The following FRMPD1 variants were observed in gnomAD, a reference collection of about 807,000 sequenced individuals.
FRMPD1 encodes the protein FERM and PDZ domain containing 1, also known as FERM and PDZ domain-containing protein 1.
Under a neutral mutation model 117.8 loss-of-function variants are expected in FRMPD1, and 76 were observed. The observed-to-expected ratio is 0.65, with a 90% CI of 0.54 to 0.78. The LOEUF (loss-of-function observed/expected upper bound fraction) is 0.78, where lower values mean the gene tolerates loss of function less well. Among genes scored for constraint, FRMPD1 ranks in the 30% least tolerant of loss-of-function variants. The probability of loss-of-function intolerance (pLI) is 0.00; values close to 1 mark genes in which losing one functional copy is unlikely to be tolerated. For missense variants in FRMPD1, 1,786 were observed against 1,964.5 expected (o/e 0.91, Z 1.72); for synonymous variants, 783 against 770.4 (o/e 1.02, Z -0.27).
rs1465298933 is a variant in FRMPD1 at position 37,746,872 on chromosome 9, T to G, written c.*103T>G. The G allele has an allele frequency of 1.3e-6, 1 of 742,612 alleles. No individual in the cohort carries two copies. The highest frequency in any genetic ancestry group is 2.2e-6 in the Non-Finnish European group (1 of 446,822). 46.0% of individuals were successfully genotyped at this position (742,612 alleles called of 1,614,324 possible). A position where few individuals can be genotyped will look rare whatever the true frequency, so the allele number is the denominator to read the frequency against. On this transcript the variant is annotated 3_prime_UTR_variant, in exon 16 of 16. Coordinates refer to ENST00000377765, the MANE Select transcript of FRMPD1 (RefSeq NM_014907.3). ...CCACCCTCTTCAAATGTTTACTATATAGAGTATTCAAATAAACTGCTGCTT... is the reference window on the plus strand; with the variant it reads ...CCACCCTCTTCAAATGTTTACTATAGAGAGTATTCAAATAAACTGCTGCTT...
chr9:37,608,115 C>A, the FRMPD1 span, among the ~76,000 whole-genome samples: 1 of 152,234 alleles, frequency 6.6e-6, no homozygotes, highest in Non-Finnish European at 1.5e-5. Flanking sequence ...ACGAAGGCTA[C>A]GTGAACAGGC....
rs1302057392 is a variant in FRMPD1, at chr9:37,746,518, C to T, written c.4486C>T (p.His1496Tyr). 2 of 1,613,556 alleles carry T rather than the reference C, an allele frequency of 1.2e-6. No individual in the cohort carries two copies. Among genetic ancestry groups the T allele is most frequent in the African/African-American group, 1.3e-5 (1 of 74,934 alleles). The change falls in exon 16 of 16, where the codon CAC becomes TAC. Residue 1496 changes from histidine to tyrosine, a missense_variant. His to Tyr is a moderately conservative substitution (Grantham distance 83, BLOSUM62 2). Transcript: ENST00000377765. Reference sequence around the variant, plus strand: ...GGGGGCCGTGCGTGACACCTTCCAGCACCTGGTCCAGCTGGCCGGCCTGTG... The same window carrying T: ...GGGGGCCGTGCGTGACACCTTCCAGTACCTGGTCCAGCTGGCCGGCCTGTG... The part of the protein sequence containing the change: ...MQGAVRDTFQ[H>Y]LVQLAGLCFQ...
At chr9:37,620,604 GTTC>G in the FRMPD1 span, among the ~76,000 whole-genome samples, 9 of 152,022 alleles carry the variant, frequency 5.9e-5, no homozygotes, top group Non-Finnish European at 1.2e-4. Context: ...CATGTTTGAT[GTTC>G]CAGCTGTCTG....
chr9:37,687,388 A>G (rs1044770359), intron 1 of FRMPD1, among the ~76,000 whole-genome samples: 4 of 152,210 alleles, frequency 2.6e-5, no homozygotes, highest in Non-Finnish European at 5.9e-5. Flanking sequence ...GTGTGTTTTC[A>G]TATGACTTGC....
At chr9:37,739,458 C>T (rs1442911139) in intron 14 of FRMPD1, among the ~76,000 whole-genome samples, 1 of 152,128 alleles carries the variant, frequency 6.6e-6, no homozygotes, top group African/African-American at 2.4e-5. Flanking sequence ...GCTCCCCAGC[C>T]TCCTACCATT....
intron 5 of FRMPD1, among the ~76,000 whole-genome samples, chr9:37,716,441 C>CA (rs1823122134): frequency 1.3e-5 from 2 of 152,354 alleles, no homozygotes; most frequent in Admixed American, 1.3e-4. Context: ...CAGTTGACAG[C>CA]TGTAGTCATT....
chr9:37,609,023 G>A, the FRMPD1 span, among the ~76,000 whole-genome samples: 2 of 152,204 alleles, frequency 1.3e-5, no homozygotes, highest in Non-Finnish European at 1.5e-5. Flanking sequence ...GGGCATGGTG[G>A]CTCACGCCTG....
At chr9:37,672,342 C>T (rs76601587) in intron 1 of FRMPD1, among the ~76,000 whole-genome samples, 3,792 of 152,238 alleles carry the variant, frequency 0.025, 160 homozygotes, top group African/African-American at 0.085. Context: ...GGTCTGGAAC[C>T]TCCTGGGAAG....
chr9:37,691,278 A>G (rs1359941827), intron 1 of FRMPD1, among the ~76,000 whole-genome samples: 1 of 152,206 alleles, frequency 6.6e-6, no homozygotes, highest in Non-Finnish European at 1.5e-5. Flanking sequence ...ATAGTTGTCT[A>G]GGTAGGTATT....
intron 1 of FRMPD1, among the ~76,000 whole-genome samples, chr9:37,678,656 T>C (rs1925963): frequency 2.0e-5 from 3 of 152,314 alleles, no homozygotes; most frequent in South Asian, 4.1e-4. Flanking sequence ...ACAAGAGTAG[T>C]GATTTTTGTC....
At position 37,745,211 on chromosome 9, in the gene FRMPD1, G is replaced by A. The variant is rs779208692; in HGVS notation, c.3179G>A (p.Cys1060Tyr). ...VQLEMGLESFCTNHIQETAPK... is the reference protein window; with the variant it reads ...VQLEMGLESFYTNHIQETAPK... Reference sequence around the variant, plus strand: ...TTGGAAATGGGATTGGAATCTTTTTGTACAAATCATATACAAGAAACTGCC... The same window carrying A: ...TTGGAAATGGGATTGGAATCTTTTTATACAAATCATATACAAGAAACTGCC... Residue 1060 changes from cysteine (C) to tyrosine (Y), a missense_variant, in exon 16 of 16, where the codon TGT (cysteine) becomes TAT (tyrosine). Transcript: ENST00000377765. The A allele has an allele frequency of 6.8e-6, 11 of 1,613,694 alleles. No individual in the cohort carries two copies. The South Asian group carries it at 1.2e-4, about 18-fold the overall frequency.
the FRMPD1 span, among the ~76,000 whole-genome samples, chr9:37,632,908 T>C: frequency 1.3e-5 from 2 of 148,188 alleles, no homozygotes; most frequent in African/African-American, 4.9e-5. Flanking sequence ...TAAATTTCTG[T>C]ATATATATAA....
chr9:37,689,448 A>C (rs1044628638), intron 1 of FRMPD1, among the ~76,000 whole-genome samples: 2 of 152,084 alleles, frequency 1.3e-5, no homozygotes, highest in Non-Finnish European at 2.9e-5. Context: ...ACAGCCTCTC[A>C]GTGAAATTTT....
intron 2 of FRMPD1, among the ~76,000 whole-genome samples, chr9:37,703,118 G>C (rs1563939407): frequency 6.6e-6 from 1 of 152,050 alleles, no homozygotes; most frequent in Non-Finnish European, 1.5e-5. Flanking sequence ...TTCCTTTGTG[G>C]TCATCAGTTC....
At chr9:37,637,979 T>G in the FRMPD1 span, among the ~76,000 whole-genome samples, 1,460 of 104,478 alleles carry the variant, frequency 0.014, 221 homozygotes, top group African/African-American at 0.021. Flanking sequence ...TTTCTTTCTT[T>G]CTTTCTTTCT....
intron 1 of FRMPD1, among the ~76,000 whole-genome samples, chr9:37,687,146 C>T (rs1199359560): frequency 6.6e-6 from 1 of 152,176 alleles, no homozygotes; most frequent in Non-Finnish European, 1.5e-5. Flanking sequence ...AAGATCTTAA[C>T]AATTCTTGAG....
the FRMPD1 span, among the ~76,000 whole-genome samples, chr9:37,633,017 T>TTATA: frequency 5.2e-5 from 1 of 19,172 alleles, no homozygotes; most frequent in African/African-American, 8.5e-5. Context: ...TCTACATATA[T>TTATA]TATATATATA....
At chr9:37,613,758 T>C in the FRMPD1 span, among the ~76,000 whole-genome samples, 1 of 152,232 alleles carries the variant, frequency 6.6e-6, no homozygotes, top group African/African-American at 2.4e-5. Flanking sequence ...ATAACTTTTC[T>C]GGAAAGCCTC....
In FRMPD1 at chr9:37,740,776, A is replaced by C; in HGVS notation, c.2248A>C (p.Met750Leu). 1.2e-6 allele frequency: 2 copies of C among 1,614,120 alleles called. No individual in the cohort carries two copies. The highest frequency in any genetic ancestry group is 1.7e-6 in the Non-Finnish European group (2 of 1,179,970). The change falls in exon 15 of 16, where the codon ATG (methionine) becomes CTG (leucine). Residue 750 changes from methionine (M) to leucine (L), a missense_variant. Met to Leu is a conservative substitution (Grantham distance 15, BLOSUM62 2). Coordinates refer to ENST00000377765, the MANE Select transcript of FRMPD1 (RefSeq NM_014907.3). The surrounding 1 kb of genome is among the most constrained non-coding windows in gnomAD (Gnocchi z 4.2). ...QGWTEAQPSS[M>L]LEPLALHPPL... is the part of the protein sequence containing the mutation. Reference sequence around the variant, plus strand: ...CTGGACTGAGGCCCAGCCCAGTTCCATGCTGGAACCCCTGGCCCTGCACCC... The same window carrying C: ...CTGGACTGAGGCCCAGCCCAGTTCCCTGCTGGAACCCCTGGCCCTGCACCC...
Sources: gnomAD v4.1 joint callset for allele counts (sites outside exome capture counted in the v4.1 genomes callset) on GRCh38, gnomAD v4.1.1 for gene constraint, Gnocchi (gnomAD v3.1) non-coding constraint, MANE v1.5 for transcripts, NCBI Gene and HGNC (gene_info 2026-07-23, HGNC 2026-07-21) for gene names.